The following LRP1B variants were observed in gnomAD, a reference collection of about 807,000 sequenced individuals.
The protein encoded by LRP1B is LDL receptor related protein 1B, also known as low-density lipoprotein receptor-related protein 1B.
LRP1B carries 217 observed loss-of-function variants against 556.6 expected under a neutral mutation model. The ratio of observed to expected loss-of-function variants is 0.39; its 90% CI spans 0.35 to 0.44. The LOEUF (loss-of-function observed/expected upper bound fraction) is 0.44. Among genes scored for constraint, LRP1B ranks in the 20% least tolerant of loss-of-function variants. LRP1B has a pLI of 1.00. For synonymous variants in LRP1B, 2,047 were observed against 1,865.8 expected (o/e 1.10, Z -2.50); for missense variants, 5,053 against 5,620.8 (o/e 0.90, Z 3.23).
Position 140,840,157 on chromosome 2 carries a change from A to T in LRP1B, c.5115-72T>A. 12 of 788,862 alleles carry T rather than the reference A, an allele frequency of 1.5e-5. 1 individual carries two copies. The highest frequency in any genetic ancestry group is 1.6e-5 in the Non-Finnish European group (8 of 499,266). The allele number at this position is 788,862 out of a possible 1,614,324, so 48.9% of individuals were successfully genotyped here. A position where few individuals can be genotyped will look rare whatever the true frequency, so the allele number is the denominator to read the frequency against. On this transcript the variant is annotated intron_variant, in intron 30 of 90. Coordinates refer to ENST00000389484, the MANE Select transcript of LRP1B (RefSeq NM_018557.3). Reference sequence around the variant, plus strand: ...CTCACTGAGAAGAAATATACACTAAAAAACAAAGTAAACATCAAAATATAT... The same window carrying T: ...CTCACTGAGAAGAAATATACACTAATAAACAAAGTAAACATCAAAATATAT...
intron 14 of LRP1B, among the ~76,000 whole-genome samples, chr2:141,012,942 A>ATTACCTAAATTCTTCATTCAT (rs1697797485): frequency 6.6e-6 from 1 of 151,900 alleles, no homozygotes; most frequent in African/African-American, 2.4e-5. Context: ...TCTTCATTCA[A>ATTACCTAAATTCTTCATTCAT]TACCTAAATT....
At chr2:142,109,060 C>T (rs1706867304) in intron 1 of LRP1B, among the ~76,000 whole-genome samples, 1 of 152,124 alleles carries the variant, frequency 6.6e-6, no homozygotes, top group South Asian at 2.1e-4. Context: ...AGGAATTATG[C>T]TTATCCAAGA....
At chr2:141,403,187 G>A (rs1377011982) in intron 3 of LRP1B, among the ~76,000 whole-genome samples, 1 of 151,868 alleles carries the variant, frequency 6.6e-6, no homozygotes. Context: ...TATGTAGTTG[G>A]GGAAAAAAAT....
At chr2:141,245,801 G>T (rs1173524082) in intron 5 of LRP1B, among the ~76,000 whole-genome samples, 1 of 152,164 alleles carries the variant, frequency 6.6e-6, no homozygotes, top group African/African-American at 2.4e-5. Flanking sequence ...TTTGAAACAT[G>T]AAATGCAAGC....
chr2:140,872,728 G>A (rs1003883567), intron 25 of LRP1B, among the ~76,000 whole-genome samples: 7 of 151,782 alleles, frequency 4.6e-5, no homozygotes, highest in Admixed American at 1.3e-4. Context: ...ACCTTATGAT[G>A]TAAATTTTGC....
intron 2 of LRP1B, among the ~76,000 whole-genome samples, chr2:141,688,835 C>T (rs937303380): frequency 1.3e-5 from 2 of 151,810 alleles, no homozygotes; most frequent in African/African-American, 2.4e-5. Flanking sequence ...CCTTTCTTTA[C>T]CTAGGATGGA....
At chr2:141,888,232 A>G (rs1699183261) in intron 1 of LRP1B, among the ~76,000 whole-genome samples, 2 of 152,226 alleles carry the variant, frequency 1.3e-5, no homozygotes, top group African/African-American at 4.8e-5. Flanking sequence ...TTATGTTTCA[A>G]AAGAGTATTG....
intron 46 of LRP1B, 88 bp from the exon 47 acceptor site, chr2:140,534,228 A>G (rs1690848583): frequency 1.6e-6 from 2 of 1,221,496 alleles, no homozygotes; most frequent in African/African-American, 1.5e-5. Context: ...TTCATTCATA[A>G]TGACTGGATT....
chr2:140,782,646 A>T (rs73961497), intron 32 of LRP1B, among the ~76,000 whole-genome samples: 3,064 of 152,266 alleles, frequency 0.02, 110 homozygotes, highest in African/African-American at 0.068. Context: ...GAATTAATGG[A>T]TTATTTTAAT....
chr2:141,748,985 A>T (rs1156825150), intron 2 of LRP1B, among the ~76,000 whole-genome samples: 2 of 152,220 alleles, frequency 1.3e-5, no homozygotes, highest in Non-Finnish European at 2.9e-5. Flanking sequence ...CAAGCCCTTT[A>T]TTAAAATCTT....
intron 11 of LRP1B, among the ~76,000 whole-genome samples, chr2:141,048,243 T>C (rs956962157): frequency 1.3e-5 from 2 of 152,070 alleles, no homozygotes; most frequent in African/African-American, 4.8e-5. Flanking sequence ...CCAGAATCAT[T>C]AGTTAACATG....
chr2:141,261,560 T>C (rs1157750731), intron 3 of LRP1B, among the ~76,000 whole-genome samples: 1 of 152,160 alleles, frequency 6.6e-6, no homozygotes, highest in East Asian at 1.9e-4. Context: ...TTGGTTTTTA[T>C]CTCAATGGTT....
chr2:141,810,868 T>C (rs1474337387), intron 1 of LRP1B, among the ~76,000 whole-genome samples: 1 of 152,044 alleles, frequency 6.6e-6, no homozygotes, highest in Admixed American at 6.6e-5. Flanking sequence ...TAACCATCCA[T>C]CCTGATACTG....
At chr2:141,416,368 G>A (rs185646873) in intron 3 of LRP1B, among the ~76,000 whole-genome samples, 1 of 151,114 alleles carries the variant, frequency 6.6e-6, no homozygotes, top group Non-Finnish European at 1.5e-5. Context: ...TAAGACTATT[G>A]TGAGGATTAA....
intron 3 of LRP1B, among the ~76,000 whole-genome samples, chr2:141,367,434 T>G (rs1689079727): frequency 6.6e-6 from 1 of 151,624 alleles, no homozygotes; most frequent in South Asian, 2.1e-4. Flanking sequence ...TTCTAATTTT[T>G]GAAACGTATT....
intron 41 of LRP1B, among the ~76,000 whole-genome samples, chr2:140,694,516 C>A (rs1337276442): frequency 1.3e-5 from 2 of 152,106 alleles, no homozygotes; most frequent in African/African-American, 2.4e-5. Context: ...TGATCTTCTG[C>A]AGTTTTACTT....
chr2:140,987,291 G>C (rs914221271), intron 17 of LRP1B, among the ~76,000 whole-genome samples: 1 of 152,048 alleles, frequency 6.6e-6, no homozygotes, highest in African/African-American at 2.4e-5. Context: ...CAGCTCTTAA[G>C]GTGGCATTTA....
intron 2 of LRP1B, among the ~76,000 whole-genome samples, chr2:141,732,633 A>G (rs962132546): frequency 6.6e-6 from 1 of 152,140 alleles, no homozygotes; most frequent in Non-Finnish European, 1.5e-5. Flanking sequence ...AGAAACACAC[A>G]CACAGATTTC....
chr2:141,538,578 A>G (rs1161236580), intron 2 of LRP1B, among the ~76,000 whole-genome samples: 1 of 152,104 alleles, frequency 6.6e-6, no homozygotes, highest in Non-Finnish European at 1.5e-5. Context: ...CTACTCACAA[A>G]GAGTGTATTT....
Sources: gnomAD v4.1 joint callset for allele counts (sites outside exome capture counted in the v4.1 genomes callset) on GRCh38, gnomAD v4.1.1 for gene constraint, MANE v1.5 for transcripts, NCBI Gene and HGNC (gene_info 2026-07-23, HGNC 2026-07-21) for gene names.